PPFIA2: variants seen among roughly 807,000 people sequenced by gnomAD.
PPFIA2 encodes PPFI scaffold protein A2.
PPFIA2 carries 46 observed loss-of-function variants against 175.5 expected under a neutral mutation model. The ratio of observed to expected loss-of-function variants is 0.26; its 90% CI spans 0.21 to 0.34. The LOEUF (loss-of-function observed/expected upper bound fraction) is 0.34, where lower values mean the gene tolerates loss of function less well. PPFIA2 is among the 10% of genes least tolerant of loss of function. PPFIA2 has a pLI of 1.00. For synonymous variants in PPFIA2, 568 were observed against 511.4 expected, an observed-to-expected ratio of 1.11 and a Z score of -1.49; for missense variants, 1,179 against 1,506.1, an observed-to-expected ratio of 0.78 and a Z score of 3.60.
intron 4 of PPFIA2, among the ~76,000 whole-genome samples, chr12:81,662,115 C>T (rs1382194765): frequency 6.6e-6 from 1 of 152,030 alleles, no homozygotes; most frequent in Admixed American, 6.5e-5. Context: ...CTAAAATTGA[C>T]ACCCTAACAT....
intron 3 of PPFIA2, 46 bp from the exon 4 acceptor site, chr12:81,676,890 T>C (rs1002345333): frequency 3.0e-6 from 4 of 1,346,150 alleles, no homozygotes; most frequent in Non-Finnish European, 3.1e-6. Context: ...CTCAACAGCA[T>C]GAAGAATCCC....
intron 4 of PPFIA2, among the ~76,000 whole-genome samples, chr12:81,484,059 C>CA (rs987165719): frequency 2.6e-5 from 4 of 151,730 alleles, no homozygotes; most frequent in Non-Finnish European, 4.4e-5. Flanking sequence ...AGGACACTGA[C>CA]AAAAAAATAA....
intron 3 of PPFIA2, among the ~76,000 whole-genome samples, chr12:81,738,121 A>T (rs2153649966): frequency 1.3e-5 from 2 of 152,050 alleles, no homozygotes; most frequent in South Asian, 4.1e-4. Context: ...GATTAAAAAA[A>T]AAAAGGACAG....
intron 4 of PPFIA2, among the ~76,000 whole-genome samples, chr12:81,655,657 T>G (rs2067680338): frequency 6.6e-6 from 1 of 152,002 alleles, no homozygotes; most frequent in South Asian, 2.1e-4. Flanking sequence ...AACTCTGCTG[T>G]TAAAAGAAAA....
At chr12:81,743,515 C>A (rs1266174552) in intron 3 of PPFIA2, among the ~76,000 whole-genome samples, 1 of 123,286 alleles carries the variant, frequency 8.1e-6, no homozygotes, top group East Asian at 2.5e-4. Flanking sequence ...GTGTTAATAG[C>A]TTTTTTTAAA....
At chr12:81,468,349 A>G (rs958690160) in intron 4 of PPFIA2, among the ~76,000 whole-genome samples, 8 of 152,194 alleles carry the variant, frequency 5.3e-5, no homozygotes, top group African/African-American at 1.9e-4. Flanking sequence ...TTCTAAGTAC[A>G]TTAGTACAAT....
At chr12:81,562,704 G>A (rs1010440990) in intron 4 of PPFIA2, among the ~76,000 whole-genome samples, 1 of 150,508 alleles carries the variant, frequency 6.6e-6, no homozygotes, top group African/African-American at 2.4e-5. Flanking sequence ...AAAATTAGCC[G>A]GGCGTAGTGG....
At chr12:81,725,213 C>A (rs2079904797) in intron 3 of PPFIA2, among the ~76,000 whole-genome samples, 1 of 150,712 alleles carries the variant, frequency 6.6e-6, no homozygotes, top group Non-Finnish European at 1.5e-5. Flanking sequence ...AAGATTAGGT[C>A]TACATAATCT....
intron 4 of PPFIA2, among the ~76,000 whole-genome samples, chr12:81,485,248 T>A (rs1473447751): frequency 1.3e-5 from 2 of 151,874 alleles, no homozygotes; most frequent in Admixed American, 1.3e-4. Context: ...TAAGAAGACA[T>A]CTCATTTTAT....
chr12:81,382,561 C>T (rs2037972891), intron 9 of PPFIA2, among the ~76,000 whole-genome samples: 1 of 151,976 alleles, frequency 6.6e-6, no homozygotes, highest in African/African-American at 2.4e-5. Context: ...GAGAAGAGGT[C>T]CCATTATGAA....
rs1177338549 is a variant in PPFIA2 at position 81,427,587 on chromosome 12, CAAG to C, written c.645+12382_645+12384del. On this transcript the variant is annotated intron_variant, in intron 7 of 32. Transcript: ENST00000549396. The stretch of plus-strand genomic sequence containing the variant: ...AACAAATAAGGTATTTGTTTATTCA[CAAG>C]AAGAAGATTTCAAAATACAAAAAAA... 7.2e-5 allele frequency among the ~76,000 whole-genome samples: 11 copies of C among 151,886 alleles called. No individual in the cohort carries two copies. The East Asian group carries it at 7.7e-4, about 11-fold the overall frequency.
intron 4 of PPFIA2, among the ~76,000 whole-genome samples, chr12:81,515,846 T>C (rs1472745138): frequency 6.6e-6 from 1 of 152,078 alleles, no homozygotes; most frequent in African/African-American, 2.4e-5. Context: ...CAAATAGATT[T>C]CTAGAGTCTC....
chr12:81,334,783 C>CA (rs1173615671), intron 21 of PPFIA2, among the ~76,000 whole-genome samples: 2 of 152,138 alleles, frequency 1.3e-5, no homozygotes, highest in Non-Finnish European at 2.9e-5. Context: ...GCATTCCTGC[C>CA]ACTGCTTTTA....
chr12:81,301,512 A>C (rs2138392749), intron 22 of PPFIA2, among the ~76,000 whole-genome samples: 1 of 152,290 alleles, frequency 6.6e-6, no homozygotes, highest in African/African-American at 2.4e-5. Context: ...TTCCCTAATA[A>C]AAATCCCACT....
intron 4 of PPFIA2, among the ~76,000 whole-genome samples, chr12:81,467,006 A>G (rs2146145512): frequency 6.6e-6 from 1 of 150,622 alleles, no homozygotes; most frequent in South Asian, 2.1e-4. Context: ...GTAACTCGAG[A>G]TTCACCTACC....
At chr12:81,297,720 A>T (rs1594206391) in intron 23 of PPFIA2, among the ~76,000 whole-genome samples, 1 of 152,360 alleles carries the variant, frequency 6.6e-6, no homozygotes, top group African/African-American at 2.4e-5. Flanking sequence ...AACATCACCC[A>T]AATGCCTGCC....
rs894259522 is a variant in PPFIA2 at position 81,341,665 on chromosome 12, G to A, written c.2263-457C>T. Among the ~76,000 whole-genome samples, 5 of 152,196 alleles carry A rather than the reference G, an allele frequency of 3.3e-5. No individual in the cohort carries two copies. The South Asian group carries it at 8.3e-4, about 25-fold the overall frequency. ...TCTTCTTCTAATGTAGCCCAGGGAA[G>A]CCAAAAGATTAGACACTGCTGCCAT... On this transcript the variant is annotated intron_variant, in intron 19 of 32. Coordinates refer to ENST00000549396, the MANE Select transcript of PPFIA2 (RefSeq NM_003625.5).
intron 3 of PPFIA2, among the ~76,000 whole-genome samples, chr12:81,735,293 T>C (rs989673428): frequency 1.3e-5 from 2 of 151,792 alleles, no homozygotes; most frequent in Admixed American, 1.3e-4. Context: ...CTTTTGATTA[T>C]AAAAATTCTA....
At chr12:81,594,631 G>A (rs1391470634) in intron 4 of PPFIA2, among the ~76,000 whole-genome samples, 1 of 152,166 alleles carries the variant, frequency 6.6e-6, no homozygotes, top group Admixed American at 6.5e-5. Flanking sequence ...AGAATGTTTC[G>A]TAGCCTGGTG....
Sources: allele counts gnomAD v4.1 joint callset (sites outside exome capture counted in the v4.1 genomes callset), GRCh38; gene constraint gnomAD v4.1.1; transcripts MANE v1.5; gene names NCBI Gene and HGNC (gene_info 2026-07-23, HGNC 2026-07-21).